GALNT16: variants seen among roughly 807,000 people sequenced by gnomAD.
GALNT16 encodes UDP-GalNAc:polypeptide N-acetylgalactosaminyltransferase-like protein 1.
GALNT16 carries 40 observed loss-of-function variants against 76.1 expected under a neutral mutation model. That is an observed-to-expected ratio of 0.53 (90% CI 0.41 to 0.68). The LOEUF (loss-of-function observed/expected upper bound fraction) is 0.68, where lower values mean the gene tolerates loss of function less well. Ranked by LOEUF, GALNT16 falls within the 30% of genes least tolerant of loss-of-function variation. The pLI is 0.00. For missense variants in GALNT16, 621 were observed against 731.9 expected, an observed-to-expected ratio of 0.85 and a Z score of 1.75; for synonymous variants, 276 against 285.2, an observed-to-expected ratio of 0.97 and a Z score of 0.32.
At chr14:69,337,032 G>A (rs2045424147) in intron 9 of GALNT16, among the ~76,000 whole-genome samples, 1 of 152,170 alleles carries the variant, frequency 6.6e-6, no homozygotes, top group Non-Finnish European at 1.5e-5. Flanking sequence ...TGGCTGACAT[G>A]CTACATTTTT....
intron 1 of GALNT16, among the ~76,000 whole-genome samples, chr14:69,290,510 C>T (rs900673259): frequency 6.6e-6 from 1 of 152,204 alleles, no homozygotes. Context: ...AGGGGCTTTG[C>T]CCTTCGGTTT....
chr14:69,299,489 C>T (rs1012657725), intron 1 of GALNT16, among the ~76,000 whole-genome samples: 1 of 152,168 alleles, frequency 6.6e-6, no homozygotes, highest in Non-Finnish European at 1.5e-5. Flanking sequence ...CTGTGGCTGA[C>T]CTCCGGGGGT....
At chr14:69,370,050 G>A in the GALNT16 span, among the ~76,000 whole-genome samples, 1 of 152,232 alleles carries the variant, frequency 6.6e-6, no homozygotes. Flanking sequence ...TGTCCAGTCA[G>A]AAGCAGTCTA....
At chr14:69,344,857 T>G (rs1224133725) in intron 12 of GALNT16, among the ~76,000 whole-genome samples, 5 of 152,144 alleles carry the variant, frequency 3.3e-5, no homozygotes, top group Non-Finnish European at 5.9e-5. Flanking sequence ...AGAAGGGAAA[T>G]GTAACACATT....
At chr14:69,336,391 C>T (rs11628637) in intron 9 of GALNT16, among the ~76,000 whole-genome samples, 5,817 of 152,270 alleles carry the variant, frequency 0.038, 136 homozygotes, top group South Asian at 0.055. Context: ...GGGTTGTAGG[C>T]GTGAGCCACC....
intron 1 of GALNT16, among the ~76,000 whole-genome samples, chr14:69,305,601 T>G (rs2044921625): frequency 6.6e-6 from 1 of 152,246 alleles, no homozygotes; most frequent in Non-Finnish European, 1.5e-5. Flanking sequence ...AATTTTTAAA[T>G]CAGGTTACTA....
intron 1 of GALNT16, among the ~76,000 whole-genome samples, chr14:69,290,164 G>A (rs1396362136): frequency 2.0e-5 from 3 of 152,184 alleles, no homozygotes; most frequent in Non-Finnish European, 4.4e-5. Context: ...ATTGTCACAC[G>A]CCATGTGTTC....
At chr14:69,375,801 T>G in the GALNT16 span, among the ~76,000 whole-genome samples, 4 of 152,292 alleles carry the variant, frequency 2.6e-5, no homozygotes, top group African/African-American at 9.6e-5. Context: ...ATCTGGCTAA[T>G]GTTTAAATTT....
the GALNT16 span, among the ~76,000 whole-genome samples, chr14:69,384,418 C>T: frequency 1.3e-5 from 2 of 152,166 alleles, no homozygotes; most frequent in Non-Finnish European, 2.9e-5. Flanking sequence ...AAATGGTAGA[C>T]CCAGGATTCA....
At chr14:69,313,357 C>A (rs2140154073) in intron 1 of GALNT16, among the ~76,000 whole-genome samples, 1 of 152,354 alleles carries the variant, frequency 6.6e-6, no homozygotes, top group Admixed American at 6.5e-5. Flanking sequence ...GGCCTCTGGG[C>A]TGGGCAAAGG....
At chr14:69,272,978 G>C (rs1001496261) in intron 1 of GALNT16, among the ~76,000 whole-genome samples, 1 of 152,170 alleles carries the variant, frequency 6.6e-6, no homozygotes, top group African/African-American at 2.4e-5. Context: ...TCTCAGAATG[G>C]ATAAGGAATG....
chr14:69,346,559 A>C (rs2045567002), intron 12 of GALNT16, among the ~76,000 whole-genome samples: 2 of 152,212 alleles, frequency 1.3e-5, no homozygotes, highest in Non-Finnish European at 2.9e-5. Flanking sequence ...ATGTACATAC[A>C]TGGTAAATAA....
At chr14:69,297,234 G>GT (rs2044780446) in intron 1 of GALNT16, among the ~76,000 whole-genome samples, 1 of 152,174 alleles carries the variant, frequency 6.6e-6, no homozygotes, top group Admixed American at 6.5e-5. Flanking sequence ...TTTGGCGGTC[G>GT]TATCGATTGA....
At chr14:69,297,339 T>C (rs2044782518) in intron 1 of GALNT16, among the ~76,000 whole-genome samples, 1 of 152,212 alleles carries the variant, frequency 6.6e-6, no homozygotes, top group Non-Finnish European at 1.5e-5. Context: ...TACATAATAG[T>C]TCTGTTTTTT....
chr14:69,371,379 G>A, the GALNT16 span, among the ~76,000 whole-genome samples: 6 of 151,714 alleles, frequency 4.0e-5, no homozygotes, highest in African/African-American at 1.5e-4. Flanking sequence ...TCAGCTTCCC[G>A]AGTAGCTGGG....
intron 1 of GALNT16, among the ~76,000 whole-genome samples, chr14:69,316,789 C>A (rs902417772): frequency 7.5e-5 from 11 of 146,114 alleles, no homozygotes; most frequent in African/African-American, 2.7e-4. Context: ...GGGGGGGGCA[C>A]TGAAGGTCAC....
At position 69,352,730 on chromosome 14, in the gene GALNT16, CT is replaced by C. The variant is rs934522187; in HGVS notation, c.*563del. 4 of 152,932 alleles carry C rather than the reference CT, an allele frequency of 2.6e-5. No individual in the cohort carries two copies. The highest frequency in any genetic ancestry group is 9.6e-5 in the African/African-American group (4 of 41,556). 9.5% of individuals were successfully genotyped at this position (152,932 alleles called of 1,614,324 possible). ...CAGAGATGCCAAGCCCAGGGTGGCA[CT>C]GGGTTGGGTGGGGACGGATGGTGTC... On this transcript the variant is annotated 3_prime_UTR_variant, in exon 15 of 15. Coordinates refer to ENST00000448469, the MANE Select transcript of GALNT16 (RefSeq NM_001168368.2).
rs1159446174 is a variant in GALNT16 at position 69,261,066 on chromosome 14, C to T, written c.177+599C>T. Among the ~76,000 whole-genome samples, 1 of 152,218 alleles carries T rather than the reference C, an allele frequency of 6.6e-6. No individual in the cohort carries two copies. The highest frequency in any genetic ancestry group is 1.5e-5 in the Non-Finnish European group (1 of 68,026). ...TTCTCTGGGTTGAGGAGAGGTCTCG[C>T]ACTGTACGCGTCTCTCACTCCCAAC... On this transcript the variant is annotated intron_variant, in intron 1 of 14. Coordinates refer to ENST00000448469, the MANE Select transcript of GALNT16 (RefSeq NM_001168368.2). The surrounding 1 kb of genome is among the most constrained non-coding windows in gnomAD (Gnocchi z 6.4).
At chr14:69,358,853 ACT>A (rs2045708025), downstream of GALNT16, 2 of 151,908 alleles carry the variant, frequency 1.3e-5, no homozygotes, top group African/African-American at 4.8e-5. Context: ...CTCGGCTTCC[ACT>A]CTCTCTTCCT....
Sources: allele counts gnomAD v4.1 joint callset (sites outside exome capture counted in the v4.1 genomes callset), GRCh38; gene constraint gnomAD v4.1.1; non-coding constraint Gnocchi (gnomAD v3.1); transcripts MANE v1.5; gene names NCBI Gene and HGNC (gene_info 2026-07-23, HGNC 2026-07-21).